PIP4K2A: variants seen among roughly 807,000 people sequenced by gnomAD.
PIP4K2A encodes the protein phosphatidylinositol-5-phosphate 4-kinase type 2 alpha, also known as phosphatidylinositol 5-phosphate 4-kinase type-2 alpha.
PIP4K2A carries 14 observed loss-of-function variants against 42.9 expected under a neutral mutation model. The ratio of observed to expected loss-of-function variants is 0.33; its 90% confidence interval spans 0.22 to 0.51. The LOEUF (loss-of-function observed/expected upper bound fraction) is 0.51, where lower values mean the gene tolerates loss of function less well. Among genes scored for constraint, PIP4K2A ranks in the 20% least tolerant of loss-of-function variants. The pLI is 0.97. For synonymous variants in PIP4K2A, 192 were observed against 192.2 expected (o/e 1.00, Z 0.01); for missense variants, 434 against 519.8 (o/e 0.83, Z 1.61).
At chr10:22,594,418 C>G (rs1837583470) in intron 3 of PIP4K2A, among the ~76,000 whole-genome samples, 1 of 152,184 alleles carries the variant, frequency 6.6e-6, no homozygotes, top group South Asian at 2.1e-4. Flanking sequence ...TTTTTTGAGA[C>G]AGGTTCTCAC....
At chr10:22,681,696 A>C (rs1839665091) in intron 1 of PIP4K2A, among the ~76,000 whole-genome samples, 1 of 152,022 alleles carries the variant, frequency 6.6e-6, no homozygotes, top group Non-Finnish European at 1.5e-5. Flanking sequence ...AAAATAAATA[A>C]AATTAAATTA....
chr10:22,681,152 A>G (rs1044114367), intron 1 of PIP4K2A, among the ~76,000 whole-genome samples: 2 of 152,154 alleles, frequency 1.3e-5, no homozygotes, highest in Non-Finnish European at 2.9e-5. Flanking sequence ...TTCTCAGCAT[A>G]AAAGTGTCTT....
At chr10:22,703,634 T>C (rs1207336256) in intron 1 of PIP4K2A, among the ~76,000 whole-genome samples, 1 of 152,230 alleles carries the variant, frequency 6.6e-6, no homozygotes, top group Non-Finnish European at 1.5e-5. Context: ...GATTTTATTC[T>C]AAATGCAATG....
At chr10:22,634,454 G>A (rs953456320) in intron 1 of PIP4K2A, among the ~76,000 whole-genome samples, 5 of 152,160 alleles carry the variant, frequency 3.3e-5, no homozygotes, top group African/African-American at 4.8e-5. Context: ...CGCTGTATCC[G>A]TTTTGGCCGA....
chr10:22,662,180 C>T (rs898542854), intron 1 of PIP4K2A, among the ~76,000 whole-genome samples: 3 of 152,160 alleles, frequency 2.0e-5, no homozygotes, highest in East Asian at 1.9e-4. Context: ...AGATTCTGTA[C>T]GCTCCTATTC....
chr10:22,570,119 C>T (rs1836949858), intron 5 of PIP4K2A, among the ~76,000 whole-genome samples: 1 of 152,056 alleles, frequency 6.6e-6, no homozygotes. Context: ...ACATACTTGC[C>T]CTTGAGGCAC....
chr10:22,636,461 C>T (rs990799438), intron 1 of PIP4K2A, among the ~76,000 whole-genome samples: 1 of 152,148 alleles, frequency 6.6e-6, no homozygotes, highest in Non-Finnish European at 1.5e-5. Flanking sequence ...CAAGGTCTCA[C>T]TATGTTCTCT....
At chr10:22,651,915 C>T (rs1021632370) in intron 1 of PIP4K2A, among the ~76,000 whole-genome samples, 2 of 152,292 alleles carry the variant, frequency 1.3e-5, no homozygotes, top group Non-Finnish European at 2.9e-5. Flanking sequence ...AATGATTCCC[C>T]ACCTGCTAGC....
intron 1 of PIP4K2A, among the ~76,000 whole-genome samples, chr10:22,709,689 G>C (rs1833882413): frequency 6.6e-6 from 1 of 152,082 alleles, no homozygotes; most frequent in Non-Finnish European, 1.5e-5. Context: ...GTAACACTAA[G>C]TACTAAGTAT....
chr10:22,664,134 T>TATATACAC (rs1564460063), intron 1 of PIP4K2A, among the ~76,000 whole-genome samples: 2 of 45,930 alleles, frequency 4.4e-5, no homozygotes, highest in East Asian at 3.7e-4. Context: ...TATATACATA[T>TATATACAC]ATATATACAT....
chr10:22,536,378 GAAGT>G lies in PIP4K2A; in HGVS notation c.*819_*822del. ...AATGAAGGCTCCAGGCAAGAAAAGA[GAAGT>G]AAGCAGTTTTCCTGGACATATTGGC... is the stretch of plus-strand genomic sequence containing the variant. On this transcript the variant is annotated 3_prime_UTR_variant, in exon 10 of 10. Transcript: ENST00000376573. The G allele has an allele frequency of 1.2e-5, 4 of 343,860 alleles. No individual in the cohort carries two copies. The highest frequency in any genetic ancestry group is 4.8e-5 in the Admixed American group (1 of 20,740). 21.3% of individuals were successfully genotyped at this position (343,860 alleles called of 1,614,324 possible).
At chr10:22,691,241 C>A (rs1839860545) in intron 1 of PIP4K2A, among the ~76,000 whole-genome samples, 1 of 152,268 alleles carries the variant, frequency 6.6e-6, no homozygotes, top group Non-Finnish European at 1.5e-5. Context: ...CAGGCCTGCC[C>A]TCCTTTGTCC....
intron 7 of PIP4K2A, among the ~76,000 whole-genome samples, chr10:22,548,830 G>A (rs919910510): frequency 1.8e-4 from 27 of 151,930 alleles, no homozygotes; most frequent in African/African-American, 6.5e-4. Flanking sequence ...AGGATTGCTT[G>A]AGGCCAGGAG....
chr10:22,712,268 C>G (rs11596218), intron 1 of PIP4K2A, among the ~76,000 whole-genome samples: 25,691 of 152,090 alleles, frequency 0.17, 2,767 homozygotes, highest in Middle Eastern at 0.28. Flanking sequence ...TATAAGGTAG[C>G]AACGTAAGTG....
chr10:22,587,286 T>C (rs571509536), intron 4 of PIP4K2A, among the ~76,000 whole-genome samples: 9 of 151,878 alleles, frequency 5.9e-5, no homozygotes, highest in Non-Finnish European at 1.2e-4. Context: ...AGAAAGTCCA[T>C]GCAATTCACT....
chr10:22,601,793 C>T (rs368435414), intron 3 of PIP4K2A, among the ~76,000 whole-genome samples: 1 of 152,074 alleles, frequency 6.6e-6, no homozygotes, highest in Non-Finnish European at 1.5e-5. Context: ...CCTACCACTA[C>T]GGTAAGTCAA....
intron 1 of PIP4K2A, among the ~76,000 whole-genome samples, chr10:22,683,629 G>A (rs1003270254): frequency 5.9e-5 from 9 of 152,134 alleles, no homozygotes; most frequent in African/African-American, 2.2e-4. Context: ...CCCTCAAGCA[G>A]CAACTGCTTT....
intron 6 of PIP4K2A, among the ~76,000 whole-genome samples, chr10:22,551,334 C>T (rs1338158750): frequency 6.6e-6 from 1 of 152,158 alleles, no homozygotes; most frequent in African/African-American, 2.4e-5. Context: ...TCCTGTTCAC[C>T]ACTCCAAGAA....
intron 3 of PIP4K2A, among the ~76,000 whole-genome samples, chr10:22,597,413 T>C (rs1331340232): frequency 6.6e-6 from 1 of 152,212 alleles, no homozygotes. Context: ...GCACACTGCA[T>C]CATGTCTATT....
Sources: allele counts gnomAD v4.1 joint callset (sites outside exome capture counted in the v4.1 genomes callset), GRCh38; gene constraint gnomAD v4.1.1; transcripts MANE v1.5; gene names NCBI Gene and HGNC (gene_info 2026-07-23, HGNC 2026-07-21).